TAS2R1: variants seen among roughly 807,000 people sequenced by gnomAD.
The protein encoded by TAS2R1 is taste receptor type 2 member 1.
For synonymous variants in TAS2R1, 141 were observed against 134.2 expected (o/e 1.05, Z -0.35); for missense variants, 370 against 353.4 (o/e 1.05, Z -0.38).
the TAS2R1 span, among the ~76,000 whole-genome samples, chr5:9,804,210 G>A: frequency 1.3e-5 from 2 of 152,068 alleles, no homozygotes; most frequent in East Asian, 1.9e-4. Context: ...AAATATATAT[G>A]CACCTAACAC....
intron 2 of TAS2R1, among the ~76,000 whole-genome samples, chr5:9,646,620 C>A (rs1250596816): frequency 4.6e-5 from 7 of 152,150 alleles, no homozygotes; most frequent in Admixed American, 4.6e-4. Flanking sequence ...AAGGATAGAA[C>A]TGGGTATTTC....
chr5:9,699,376 C>T (rs1030527537), intron 1 of TAS2R1, among the ~76,000 whole-genome samples: 4 of 152,176 alleles, frequency 2.6e-5, no homozygotes, highest in African/African-American at 9.7e-5. Context: ...GTAGCTGATG[C>T]CACTTTCTGA....
intron 1 of TAS2R1, among the ~76,000 whole-genome samples, chr5:9,673,578 T>C (rs1424520988): frequency 1.5e-4 from 22 of 151,710 alleles, no homozygotes. Flanking sequence ...AAAATCAAAA[T>C]AAGTATTTTA....
At chr5:9,658,032 G>T (rs889342302) in intron 2 of TAS2R1, among the ~76,000 whole-genome samples, 1 of 152,044 alleles carries the variant, frequency 6.6e-6, no homozygotes, top group Non-Finnish European at 1.5e-5. Flanking sequence ...CCAAATCCAG[G>T]GCTCCTCCCC....
chr5:9,767,554 C>A, the TAS2R1 span, among the ~76,000 whole-genome samples: 1 of 152,210 alleles, frequency 6.6e-6, no homozygotes, highest in Non-Finnish European at 1.5e-5. Flanking sequence ...CAAGCACTGC[C>A]TCACTGGGTC....
At chr5:9,870,584 G>A in the TAS2R1 span, among the ~76,000 whole-genome samples, 6 of 152,208 alleles carry the variant, frequency 3.9e-5, no homozygotes, top group African/African-American at 1.4e-4. Flanking sequence ...ATACAAAGAT[G>A]GTTAAAACAT....
At chr5:9,766,909 C>T in the TAS2R1 span, among the ~76,000 whole-genome samples, 1 of 152,156 alleles carries the variant, frequency 6.6e-6, no homozygotes, top group Non-Finnish European at 1.5e-5. Context: ...CCTGGCTGCT[C>T]CTCACTTCCT....
the TAS2R1 span, among the ~76,000 whole-genome samples, chr5:9,855,413 A>C: frequency 2.0e-5 from 3 of 152,246 alleles, no homozygotes; most frequent in Non-Finnish European, 4.4e-5. Flanking sequence ...GTCCTAGGCA[A>C]AGGAGTTGAC....
the TAS2R1 span, among the ~76,000 whole-genome samples, chr5:9,758,850 T>C: frequency 2.0e-5 from 3 of 152,146 alleles, no homozygotes; most frequent in African/African-American, 7.2e-5. Flanking sequence ...TCTAAACTAA[T>C]ATAGAATAAT....
intron 1 of TAS2R1, among the ~76,000 whole-genome samples, chr5:9,663,620 T>A (rs947409136): frequency 1.3e-5 from 2 of 152,244 alleles, no homozygotes; most frequent in African/African-American, 4.8e-5. Context: ...TATTTTCTCT[T>A]AGTATCCCAC....
chr5:9,831,318 T>C, the TAS2R1 span, among the ~76,000 whole-genome samples: 2 of 152,172 alleles, frequency 1.3e-5, no homozygotes, highest in Admixed American at 6.6e-5. Flanking sequence ...CAAAGTATTA[T>C]GCACATTTTC....
At chr5:9,803,444 G>T in the TAS2R1 span, among the ~76,000 whole-genome samples, 2 of 152,152 alleles carry the variant, frequency 1.3e-5, no homozygotes, top group African/African-American at 4.8e-5. Context: ...TAGTCATCAG[G>T]TTACCTAAAG....
chr5:9,701,226 A>G (rs1232048560), intron 1 of TAS2R1, among the ~76,000 whole-genome samples: 1 of 6,080 alleles, frequency 1.6e-4, no homozygotes, highest in East Asian at 1.3e-3. Context: ...ACGCAGACAC[A>G]CACACACACA....
the TAS2R1 span, chr5:9,765,468 T>C: frequency 6.6e-6 from 1 of 151,000 alleles, no homozygotes; most frequent in Admixed American, 6.6e-5. Context: ...TCTGTATACA[T>C]ACATTGGAAG....
chr5:9,827,153 C>T, the TAS2R1 span, among the ~76,000 whole-genome samples: 1 of 152,138 alleles, frequency 6.6e-6, no homozygotes, highest in Non-Finnish European at 1.5e-5. Flanking sequence ...CACCTTGTGC[C>T]CCTTCCTCCT....
At chr5:9,749,661 T>C in the TAS2R1 span, among the ~76,000 whole-genome samples, 2 of 152,228 alleles carry the variant, frequency 1.3e-5, no homozygotes, top group African/African-American at 4.8e-5. Context: ...GCTCATTACC[T>C]GTGCACACAA....
chr5:9,715,190 C>A (rs1361850421), upstream of TAS2R1, among the ~76,000 whole-genome samples: 1 of 152,164 alleles, frequency 6.6e-6, no homozygotes, highest in Non-Finnish European at 1.5e-5. Flanking sequence ...AAGAACTAAA[C>A]GTGTGTGTGT....
intron 1 of TAS2R1, among the ~76,000 whole-genome samples, chr5:9,689,527 T>TAA (rs1237135710): frequency 2.6e-5 from 4 of 152,170 alleles, no homozygotes; most frequent in Non-Finnish European, 1.5e-5. Flanking sequence ...TATATATATA[T>TAA]AATCATAAGC....
the TAS2R1 span, among the ~76,000 whole-genome samples, chr5:9,721,137 A>G: frequency 3.0e-4 from 45 of 152,336 alleles, 1 homozygote; most frequent in Admixed American, 5.9e-4. Context: ...ACAGGCTAGG[A>G]GCAAAGCACA....
Sources: allele counts gnomAD v4.1 joint callset (sites outside exome capture counted in the v4.1 genomes callset), GRCh38; gene constraint gnomAD v4.1.1; transcripts MANE v1.5; gene names NCBI Gene and HGNC (gene_info 2026-07-23, HGNC 2026-07-21).